The following DCT variants were observed in gnomAD, a reference collection of about 807,000 sequenced individuals.
DCT encodes L-dopachrome tautomerase.
Under a neutral mutation model 53.0 loss-of-function variants are expected in DCT, and 47 were observed. That is an observed-to-expected ratio of 0.89 (90% CI 0.70 to 1.13). DCT has a LOEUF of 1.13. DCT is among the 50% of genes most tolerant of loss of function. The pLI is 0.00. For synonymous variants in DCT, 244 were observed against 237.0 expected (o/e 1.03, Z -0.27); for missense variants, 669 against 637.4 (o/e 1.05, Z -0.53).
chr13:94,440,204 C>A (rs1882189046), intron 7 of DCT, 128 bp from the exon 8 acceptor site: 1 of 656,832 alleles, frequency 1.5e-6, no homozygotes, highest in African/African-American at 1.8e-5. Context: ...TCATGCTAGA[C>A]TAAAATTTAT....
the DCT span, among the ~76,000 whole-genome samples, chr13:94,509,793 C>T: frequency 1.3e-5 from 2 of 152,176 alleles, no homozygotes; most frequent in East Asian, 3.9e-4. Flanking sequence ...AGTCTTAACA[C>T]AGTGCCTGGC....
At chr13:94,534,419 C>T in the DCT span, among the ~76,000 whole-genome samples, 2 of 152,208 alleles carry the variant, frequency 1.3e-5, no homozygotes, top group Admixed American at 1.3e-4. Context: ...TAAGTTTTGC[C>T]AAGGCATTCA....
intron 6 of DCT, among the ~76,000 whole-genome samples, chr13:94,446,744 C>T (rs4318084): frequency 0.24 from 37,167 of 151,948 alleles, 4,853 homozygotes; most frequent in Non-Finnish European, 0.28. Context: ...TTCCAGACCT[C>T]ACTCCTACCT....
rs1369169700 is a variant in DCT, at chr13:94,465,702, G to A, written c.794C>T (p.Ala265Val). ...DVCTDQLFGAARPDDPTLISR... is the reference protein window; with the variant it reads ...DVCTDQLFGAVRPDDPTLISR... Reference sequence around the variant, plus strand: ...AATCAGAGTCGGATCGTCTGGTCTCGCTGCCCCAAACAGCTGGTCTGTACA... The same window carrying A: ...AATCAGAGTCGGATCGTCTGGTCTCACTGCCCCAAACAGCTGGTCTGTACA... The change falls in exon 4 of 8, where the codon GCG (alanine) becomes GTG (valine). Residue 265 changes from alanine (A) to valine (V), a missense_variant. Transcript: ENST00000377028. 1.4e-5 allele frequency: 22 copies of A among 1,613,114 alleles called. No homozygotes were observed. The highest frequency in any genetic ancestry group is 6.6e-5 in the South Asian group (6 of 91,022).
chr13:94,469,624 C>T (rs188392606), intron 1 of DCT, among the ~76,000 whole-genome samples: 451 of 152,228 alleles, frequency 3.0e-3, no homozygotes, highest in Non-Finnish European at 4.8e-3. Flanking sequence ...GATGTTGTTA[C>T]GGCAGCAGTA....
intron 1 of DCT, among the ~76,000 whole-genome samples, chr13:94,475,687 C>A (rs1885025792): frequency 6.6e-6 from 1 of 151,916 alleles, no homozygotes; most frequent in East Asian, 1.9e-4. Context: ...ACCACAAAAG[C>A]AAAAAATAAA....
chr13:94,528,123 G>A, the DCT span, among the ~76,000 whole-genome samples: 1 of 152,176 alleles, frequency 6.6e-6, no homozygotes, highest in Non-Finnish European at 1.5e-5. Context: ...AAACCTCCAA[G>A]AAATATGGGA....
chr13:94,502,358 C>T, the DCT span, among the ~76,000 whole-genome samples: 1 of 152,156 alleles, frequency 6.6e-6, no homozygotes, highest in East Asian at 1.9e-4. Context: ...TTGCCTCTGC[C>T]ATTTCCAGTT....
chr13:94,450,316 GA>G (rs372452220), intron 6 of DCT, among the ~76,000 whole-genome samples: 1 of 151,198 alleles, frequency 6.6e-6, no homozygotes, highest in Non-Finnish European at 1.5e-5. Context: ...CCACGGAAGA[GA>G]AAAAAAAAGA....
chr13:94,479,217 C>T lies in DCT; in HGVS notation c.39G>A (p.Leu13=). 1 of 1,604,688 alleles carries T rather than the reference C, an allele frequency of 6.2e-7. No homozygotes were observed. The highest frequency in any genetic ancestry group is 8.5e-7 in the Non-Finnish European group (1 of 1,172,402). Residue 13 remains leucine, a synonymous_variant, in exon 1 of 8, where the codon TTG becomes TTA. Coordinates refer to ENST00000377028, the MANE Select transcript of DCT (RefSeq NM_001922.5). ...PLWWGFLLSC[L]GCKILPGAQG... is the part of the protein sequence containing the mutation. ...GGGCTCCTGGCAGGATTTTGCAGCC[C>T]AAGCAACTGAGCAGAAACCCCCACC...
At chr13:94,456,297 C>G (rs1454430367) in intron 6 of DCT, among the ~76,000 whole-genome samples, 1 of 152,178 alleles carries the variant, frequency 6.6e-6, no homozygotes, top group Non-Finnish European at 1.5e-5. Flanking sequence ...CCTGACTATG[C>G]TTTAATCTAT....
chr13:94,455,535 T>C (rs1454933767), intron 6 of DCT, among the ~76,000 whole-genome samples: 7 of 152,218 alleles, frequency 4.6e-5, no homozygotes, highest in Admixed American at 3.9e-4. Context: ...AATAACGTTT[T>C]ATTGGAACAC....
chr13:94,449,051 T>C (rs1403039826), intron 6 of DCT, among the ~76,000 whole-genome samples: 1 of 151,914 alleles, frequency 6.6e-6, no homozygotes, highest in Non-Finnish European at 1.5e-5. Flanking sequence ...TATTCTGTCT[T>C]GTTCCAACAA....
intron 6 of DCT, among the ~76,000 whole-genome samples, chr13:94,447,933 G>A (rs531928813): frequency 4.2e-4 from 64 of 152,244 alleles, no homozygotes; most frequent in African/African-American, 1.4e-3. Context: ...GCTCTCAGGA[G>A]GGCTATAAAA....
intron 6 of DCT, among the ~76,000 whole-genome samples, chr13:94,454,894 C>G (rs7326307): frequency 0.8 from 121,900 of 152,168 alleles, 50,269 homozygotes; most frequent in African/African-American, 0.92. Context: ...TTTAAAGAAA[C>G]GCTGTGGCTT....
the DCT span, among the ~76,000 whole-genome samples, chr13:94,549,355 C>T: frequency 6.6e-6 from 1 of 152,232 alleles, no homozygotes; most frequent in Non-Finnish European, 1.5e-5. Flanking sequence ...GCGGCCCCGT[C>T]TCGCCACCGC....
At chr13:94,498,927 G>A in the DCT span, among the ~76,000 whole-genome samples, 1 of 152,094 alleles carries the variant, frequency 6.6e-6, no homozygotes, top group Non-Finnish European at 1.5e-5. Context: ...CCAGCTAAAG[G>A]ATTGTAAATG....
the DCT span, among the ~76,000 whole-genome samples, chr13:94,494,448 G>A: frequency 6.6e-6 from 1 of 152,090 alleles, no homozygotes; most frequent in Admixed American, 6.6e-5. Flanking sequence ...TCCCAGGCAG[G>A]GAACGCCTAA....
intron 5 of DCT, among the ~76,000 whole-genome samples, chr13:94,461,239 T>C (rs1461171042): frequency 6.6e-6 from 1 of 152,180 alleles, no homozygotes; most frequent in Non-Finnish European, 1.5e-5. Flanking sequence ...TGCAAGTTGT[T>C]AAGACACAGC....
Sources: gnomAD v4.1 joint callset for allele counts (sites outside exome capture counted in the v4.1 genomes callset) on GRCh38, gnomAD v4.1.1 for gene constraint, MANE v1.5 for transcripts, NCBI Gene and HGNC (gene_info 2026-07-23, HGNC 2026-07-21) for gene names.